CDK13: variants seen among roughly 807,000 people sequenced by gnomAD.
The protein encoded by CDK13 is cyclin dependent kinase 13.
A neutral mutation model predicts 137.6 loss-of-function variants in CDK13; 40 were observed. That is an observed-to-expected ratio of 0.29 (90% CI 0.23 to 0.38). The LOEUF (loss-of-function observed/expected upper bound fraction) is 0.38, where lower values mean the gene tolerates loss of function less well. Among genes scored for constraint, CDK13 ranks in the 10% least tolerant of loss-of-function variants. The pLI is 1.00. For synonymous variants in CDK13, 869 were observed against 760.1 expected, an observed-to-expected ratio of 1.14 and a Z score of -2.36; for missense variants, 1,704 against 1,951.8, an observed-to-expected ratio of 0.87 and a Z score of 2.39.
Position 39,951,587 on chromosome 7 carries a change from C to G in CDK13, c.946C>G (p.Leu316Val), listed in dbSNP as rs199909554. The change falls in exon 1 of 14, where the codon CTC (leucine) becomes GTC (valine). Residue 316 changes from leucine (L) to valine (V), a missense_variant. By Grantham distance (32) the Leu-to-Val change is conservative. Coordinates refer to ENST00000181839, the MANE Select transcript of CDK13 (RefSeq NM_003718.5). The stretch of plus-strand genomic sequence containing the variant: ...TAAGGCCTACAGGCGGCGGCGGTCC[C>G]TCAGCCCACTGGGAGGCCGGGACGA... ...EPKAYRRRRS[L>V]SPLGGRDDSP... 2 of 1,500,594 alleles carry G rather than the reference C, an allele frequency of 1.3e-6. No individual in the cohort carries two copies. The highest frequency in any genetic ancestry group is 2.7e-5 in the East Asian group (1 of 37,386). The allele number at this position is 1,500,594 out of a possible 1,614,324, so 93.0% of individuals were successfully genotyped here. A position where few individuals can be genotyped will look rare whatever the true frequency, so the allele number is the denominator to read the frequency against.
chr7:39,961,252 C>T (rs976401766), intron 1 of CDK13, among the ~76,000 whole-genome samples: 7 of 151,904 alleles, frequency 4.6e-5, no homozygotes, highest in African/African-American at 7.3e-5. Flanking sequence ...CCCAACTACT[C>T]GGGAGACTGA....
chr7:39,986,862 A>T (rs967394779), intron 1 of CDK13: 30 of 152,144 alleles, frequency 2.0e-4, no homozygotes, highest in African/African-American at 7.2e-4. Context: ...ATTTTTTTGA[A>T]TGGAGCCCTC....
At chr7:40,062,799 C>G (rs1786183885) in intron 7 of CDK13, 27 bp from the exon 8 acceptor site, 2 of 1,475,380 alleles carry the variant, frequency 1.4e-6, no homozygotes, top group Non-Finnish European at 1.9e-6. Flanking sequence ...AATACTAACT[C>G]TAAAGACTGT....
At chr7:39,978,225 A>G (rs1182089866) in intron 1 of CDK13, among the ~76,000 whole-genome samples, 5 of 152,252 alleles carry the variant, frequency 3.3e-5, no homozygotes, top group African/African-American at 1.2e-4. Context: ...GGAAACAGCC[A>G]TAGAAGTAAG....
chr7:40,082,604 G>A (rs186455486), intron 11 of CDK13, among the ~76,000 whole-genome samples: 137 of 149,770 alleles, frequency 9.1e-4, no homozygotes, highest in African/African-American at 3.1e-3. Flanking sequence ...CAACCTGGCC[G>A]ACATGGCGAA....
intron 1 of CDK13, among the ~76,000 whole-genome samples, chr7:39,964,297 G>A (rs1213514541): frequency 6.6e-6 from 1 of 152,096 alleles, no homozygotes; most frequent in African/African-American, 2.4e-5. Context: ...CAATTTCAGA[G>A]CCTGTTATTG....
intron 1 of CDK13, 82 bp downstream of exon 1, chr7:39,951,934 C>T (rs998506283): frequency 1.3e-4 from 172 of 1,277,888 alleles, no homozygotes; most frequent in Non-Finnish European, 1.6e-4. Flanking sequence ...TGCCCGGGTC[C>T]TCAGAACGAC....
intron 1 of CDK13, chr7:39,986,380 A>T (rs1008598513): frequency 4.6e-5 from 7 of 152,174 alleles, no homozygotes; most frequent in Non-Finnish European, 1.0e-4. Context: ...TATGTTTTCC[A>T]ATAATTTTTG....
chr7:40,035,381 A>C (rs1245755920), intron 5 of CDK13, among the ~76,000 whole-genome samples: 1 of 152,040 alleles, frequency 6.6e-6, no homozygotes, highest in Non-Finnish European at 1.5e-5. Context: ...TGGGCCGCAC[A>C]GTAGGAGGTG....
intron 7 of CDK13, chr7:40,061,491 A>G (rs201317406): frequency 1.3e-5 from 2 of 152,320 alleles, no homozygotes; most frequent in East Asian, 3.9e-4. Context: ...CTGCAAATCT[A>G]TAGGTGGCAA....
Position 39,950,381 on chromosome 7 carries a change from G to A in CDK13, c.-261G>A. On this transcript the variant is annotated 5_prime_UTR_variant, in exon 1 of 14. Transcript: ENST00000181839. ...CGGCGCATCTGGTGTTTTCGCTGCC[G>A]AGGATAGGACGACGAGCGCAATCGG... The A allele has an allele frequency of 4.1e-6, 5 of 1,218,796 alleles. No individual in the cohort carries two copies. Among genetic ancestry groups the A allele is most frequent in the Admixed American group, 4.3e-5 (1 of 23,236 alleles). 75.5% of individuals were successfully genotyped at this position (1,218,796 alleles called of 1,614,324 possible).
At chr7:39,970,040 A>C (rs550595688) in intron 1 of CDK13, among the ~76,000 whole-genome samples, 9 of 147,074 alleles carry the variant, frequency 6.1e-5, no homozygotes, top group Non-Finnish European at 1.3e-4. Flanking sequence ...TTTTTGAGAC[A>C]GCGTGTCTCA....
At chr7:40,030,267 A>G (rs959373372) in intron 5 of CDK13, among the ~76,000 whole-genome samples, 2 of 142,172 alleles carry the variant, frequency 1.4e-5, no homozygotes, top group East Asian at 2.0e-4. Flanking sequence ...GTGTGTATAT[A>G]TATATATAGA....
intron 1 of CDK13, among the ~76,000 whole-genome samples, chr7:39,956,002 T>G (rs1255406903): frequency 6.6e-6 from 1 of 151,858 alleles, no homozygotes. Flanking sequence ...ATAAGAAAAA[T>G]TATTGTTATA....
intron 9 of CDK13, chr7:40,072,792 C>T (rs1786451754): frequency 1.3e-5 from 2 of 152,100 alleles, no homozygotes; most frequent in African/African-American, 2.4e-5. Flanking sequence ...TTTTATTAGG[C>T]TTGGATGGTA....
At chr7:40,045,458 G>A (rs1785714615) in intron 5 of CDK13, among the ~76,000 whole-genome samples, 2 of 142,976 alleles carry the variant, frequency 1.4e-5, no homozygotes, top group Non-Finnish European at 3.0e-5. Flanking sequence ...TTAATTAAAA[G>A]CAGTTCTTTT....
At chr7:40,057,911 A>G (rs748838838) in intron 7 of CDK13, among the ~76,000 whole-genome samples, 3 of 152,076 alleles carry the variant, frequency 2.0e-5, no homozygotes, top group Non-Finnish European at 4.4e-5. Flanking sequence ...GATTGTGTTT[A>G]TTGTTATGTA....
chr7:40,082,808 A>C (rs1284113814), intron 11 of CDK13, among the ~76,000 whole-genome samples: 1 of 151,450 alleles, frequency 6.6e-6, no homozygotes, highest in Non-Finnish European at 1.5e-5. Flanking sequence ...AAAAAAAAAA[A>C]AGTTATTTTA....
intron 4 of CDK13, among the ~76,000 whole-genome samples, chr7:40,000,588 A>G (rs1392882666): frequency 1.3e-5 from 2 of 152,216 alleles, no homozygotes; most frequent in Non-Finnish European, 2.9e-5. Context: ...ATTAGAGGCC[A>G]TATAGTATAT....
Sources: gnomAD v4.1 joint callset for allele counts (sites outside exome capture counted in the v4.1 genomes callset) on GRCh38, gnomAD v4.1.1 for gene constraint, MANE v1.5 for transcripts, NCBI Gene and HGNC (gene_info 2026-07-23, HGNC 2026-07-21) for gene names.